RPTOR: variants seen among roughly 807,000 people sequenced by gnomAD.
The protein encoded by RPTOR is regulatory-associated protein of mTOR.
RPTOR carries 21 observed loss-of-function variants against 169.9 expected under a neutral mutation model. The observed-to-expected ratio is 0.12, with a 90% CI of 0.09 to 0.18. The LOEUF (loss-of-function observed/expected upper bound fraction) is 0.18, where lower values mean the gene tolerates loss of function less well. Ranked by LOEUF, RPTOR falls within the 10% of genes least tolerant of loss-of-function variation. RPTOR has a pLI of 1.00. For synonymous variants in RPTOR, 732 were observed against 753.2 expected, an observed-to-expected ratio of 0.97 and a Z score of 0.46; for missense variants, 1,133 against 1,855.9, an observed-to-expected ratio of 0.61 and a Z score of 7.16.
At chr17:80,690,940 A>G (rs1397432632) in intron 3 of RPTOR, among the ~76,000 whole-genome samples, 1 of 152,122 alleles carries the variant, frequency 6.6e-6, no homozygotes, top group East Asian at 1.9e-4. Flanking sequence ...GACCACAGGC[A>G]CATGACACTA....
chr17:80,685,718 G>A (rs1011509931), intron 3 of RPTOR, among the ~76,000 whole-genome samples: 2 of 133,904 alleles, frequency 1.5e-5, no homozygotes, highest in African/African-American at 2.9e-5. Flanking sequence ...ATATTTCCAC[G>A]ACTTTTAATT....
intron 1 of RPTOR, among the ~76,000 whole-genome samples, chr17:80,561,251 G>A (rs9900457): frequency 0.013 from 56 of 4,186 alleles, 1 homozygote; most frequent in Admixed American, 0.023. Flanking sequence ...ATATATATAT[G>A]TATATATATA....
intron 1 of RPTOR, among the ~76,000 whole-genome samples, chr17:80,594,517 A>C (rs1339568307): frequency 1.3e-5 from 2 of 152,182 alleles, no homozygotes; most frequent in Non-Finnish European, 2.9e-5. Flanking sequence ...AAGTCCTTGC[A>C]CTTGTGCAGA....
chr17:80,599,349 T>C (rs186702038), intron 1 of RPTOR, among the ~76,000 whole-genome samples: 36 of 152,280 alleles, frequency 2.4e-4, no homozygotes, highest in South Asian at 4.1e-4. Flanking sequence ...TGGCGCCCTT[T>C]CCTAATTCTT....
At chr17:80,698,975 C>T (rs568381388) in intron 3 of RPTOR, among the ~76,000 whole-genome samples, 4 of 152,216 alleles carry the variant, frequency 2.6e-5, no homozygotes, top group Non-Finnish European at 5.9e-5. Flanking sequence ...CCCGTGATTC[C>T]CCCAGCATCT....
At chr17:80,652,394 G>A (rs1381609558) in intron 3 of RPTOR, among the ~76,000 whole-genome samples, 3 of 152,222 alleles carry the variant, frequency 2.0e-5, no homozygotes, top group Non-Finnish European at 4.4e-5. Flanking sequence ...CACAAATGGA[G>A]CCATACAGTA....
rs965549429 is a variant in RPTOR, at chr17:80,906,438, C to G, written c.2402-2373C>G. 2.6e-5 allele frequency among the ~76,000 whole-genome samples: 4 copies of G among 152,192 alleles called. No individual in the cohort carries two copies. In the South Asian group the frequency reaches 8.3e-4, roughly 31 times the overall value. On this transcript the variant is annotated intron_variant, in intron 20 of 33. Transcript: ENST00000306801. ...CTGTCCCAGTACACGCGGTGCAGGA[C>G]CACGGTTGAGCAGAAGGTGCATCTG...
chr17:80,763,671 G>A (rs1341518518), intron 6 of RPTOR, among the ~76,000 whole-genome samples: 1 of 152,216 alleles, frequency 6.6e-6, no homozygotes, highest in Admixed American at 6.5e-5. Context: ...GTGGACATAT[G>A]TGGACCATTC....
chr17:80,940,526 A>G lies in RPTOR; in HGVS notation c.2950A>G (p.Ile984Val). ...AGAAGAGCACGACCTGGAGAGTCAG[A>G]TCCGCAAGGAGCGGGAGTGGCGGTT... The part of the protein sequence containing the change: ...IPEEHDLESQ[I>V]RKEREWRFLR... The change falls in exon 25 of 34, where the codon ATC (isoleucine) becomes GTC (valine). Residue 984 changes from isoleucine (I) to valine (V), a missense_variant. Physicochemically the swap from Ile to Val is conservative, Grantham distance 29. Coordinates refer to ENST00000306801, the MANE Select transcript of RPTOR (RefSeq NM_020761.3). 1 of 1,613,926 alleles carries G rather than the reference A, an allele frequency of 6.2e-7. No homozygotes were observed. Among genetic ancestry groups the G allele is most frequent in the South Asian group, 1.1e-5 (1 of 91,014 alleles).
intron 1 of RPTOR, among the ~76,000 whole-genome samples, chr17:80,612,952 G>A (rs766940615): frequency 4.6e-5 from 7 of 152,196 alleles, no homozygotes; most frequent in East Asian, 3.8e-4. Flanking sequence ...ATATATAAGC[G>A]TGTATGTATA....
intron 7 of RPTOR, among the ~76,000 whole-genome samples, chr17:80,806,599 G>T (rs2143557930): frequency 6.6e-6 from 1 of 152,204 alleles, no homozygotes; most frequent in Non-Finnish European, 1.5e-5. Flanking sequence ...TATGTTAATT[G>T]GGGACCTAGA....
At position 80,647,573 on chromosome 17, in the gene RPTOR, C is replaced by G. The variant is rs566098894; in HGVS notation, c.348+3763C>G. Among the ~76,000 whole-genome samples, 5 of 150,612 alleles carry G rather than the reference C, an allele frequency of 3.3e-5. No homozygotes were observed. The South Asian group carries it at 1.0e-3, about 31-fold the overall frequency. On this transcript the variant is annotated intron_variant, in intron 3 of 33. Transcript: ENST00000306801. The stretch of plus-strand genomic sequence containing the variant: ...ACAACACCAGAAGCAGAGGCCACAC[C>G]TCTTTACTTGGGGTGAGCTTTAATT...
chr17:80,886,415 C>T (rs981446714), intron 17 of RPTOR, among the ~76,000 whole-genome samples: 2 of 152,208 alleles, frequency 1.3e-5, no homozygotes, highest in East Asian at 1.9e-4. Context: ...ACGTTCTCCT[C>T]GTGGCCGGGT....
chr17:80,551,105 T>G (rs2143208928), intron 1 of RPTOR, among the ~76,000 whole-genome samples: 1 of 152,218 alleles, frequency 6.6e-6, no homozygotes, highest in African/African-American at 2.4e-5. Context: ...GCCAGGCTGG[T>G]CTTGAACTCC....
rs989537375 is a variant in RPTOR at position 80,700,757 on chromosome 17, A to G, written c.349-7084A>G. Among the ~76,000 whole-genome samples, 35 of 48,554 alleles carry G rather than the reference A, an allele frequency of 7.2e-4. 5 individuals are homozygous for G. Among genetic ancestry groups the G allele is most frequent in the East Asian group, 6.7e-3 (6 of 898 alleles). 31.9% of individuals were successfully genotyped at this position (48,554 alleles called of 152,430 possible). A position where few individuals can be genotyped will look rare whatever the true frequency, so the allele number is the denominator to read the frequency against. On this transcript the variant is annotated intron_variant, in intron 3 of 33. Transcript: ENST00000306801. The stretch of plus-strand genomic sequence containing the variant: ...GATGGTGGTGGTGGTGGTGGTGATG[A>G]TGGTGATGGTGATGGTAGAGATGAT...
At chr17:80,638,646 T>C (rs575136395) in intron 2 of RPTOR, among the ~76,000 whole-genome samples, 1 of 152,200 alleles carries the variant, frequency 6.6e-6, no homozygotes, top group African/African-American at 2.4e-5. Flanking sequence ...CCAGTTCCAT[T>C]GGTGTCTCAA....
At position 80,961,391 on chromosome 17, in the gene RPTOR, C is replaced by T. The variant is rs1275263876; in HGVS notation, c.3606-3C>T. On this transcript the variant is annotated splice_polypyrimidine_tract_variant and splice_region_variant and intron_variant, in intron 30 of 33. Transcript: ENST00000306801. ...CACGCTGAGCGTGCCCCCTCCCCTA[C>T]AGCCGCGTCATGACGTACCGGGAGC... The T allele has an allele frequency of 1.3e-6, 2 of 1,547,684 alleles. No individual in the cohort carries two copies. The highest frequency in any genetic ancestry group is 2.0e-5 in the Admixed American group (1 of 51,018).
At chr17:80,833,929 C>T (rs1462959544) in intron 9 of RPTOR, among the ~76,000 whole-genome samples, 1 of 152,248 alleles carries the variant, frequency 6.6e-6, no homozygotes, top group Non-Finnish European at 1.5e-5. Flanking sequence ...GCGGAGGTTG[C>T]AGTGAGCCAA....
chr17:80,859,037 G>C (rs190784643), intron 13 of RPTOR, among the ~76,000 whole-genome samples: 1 of 152,186 alleles, frequency 6.6e-6, no homozygotes. Context: ...GGGCTGCAGG[G>C]CTGGGAGGGC....
Sources: allele counts gnomAD v4.1 joint callset (sites outside exome capture counted in the v4.1 genomes callset), GRCh38; gene constraint gnomAD v4.1.1; transcripts MANE v1.5; gene names NCBI Gene and HGNC (gene_info 2026-07-23, HGNC 2026-07-21).